The following APELA variants were observed in gnomAD, a reference collection of about 807,000 sequenced individuals.
APELA encodes protein Elabela.
At chr4:164,889,855 C>G (rs565215707) in intron 2 of APELA, among the ~76,000 whole-genome samples, 1 of 152,292 alleles carries the variant, frequency 6.6e-6, no homozygotes, top group Non-Finnish European at 1.5e-5. Context: ...AGTATAACAA[C>G]TATTTACATA....
At chr4:164,894,306 CA>C (rs1730932244) in intron 2 of APELA, among the ~76,000 whole-genome samples, 5 of 151,996 alleles carry the variant, frequency 3.3e-5, no homozygotes. Flanking sequence ...ACCTGGGCGA[CA>C]AACATGTATA....
chr4:164,886,006 A>G (rs1276351614), intron 2 of APELA, among the ~76,000 whole-genome samples: 1 of 152,192 alleles, frequency 6.6e-6, no homozygotes, highest in Non-Finnish European at 1.5e-5. Context: ...TAATTCAGTT[A>G]GTTTAAAATA....
chr4:164,880,090 A>G (rs531348999), intron 2 of APELA, among the ~76,000 whole-genome samples: 1 of 152,234 alleles, frequency 6.6e-6, no homozygotes, highest in Non-Finnish European at 1.5e-5. Flanking sequence ...CATTTAAGAT[A>G]TAGCTTCCTT....
At chr4:164,884,474 A>G (rs1263759222) in intron 2 of APELA, among the ~76,000 whole-genome samples, 1 of 152,214 alleles carries the variant, frequency 6.6e-6, no homozygotes, top group Non-Finnish European at 1.5e-5. Flanking sequence ...GTCAAATGGA[A>G]CACAAAATAA....
intron 2 of APELA, among the ~76,000 whole-genome samples, chr4:164,886,680 G>T (rs1257521778): frequency 6.6e-6 from 1 of 151,872 alleles, no homozygotes. Flanking sequence ...CCTTAATGAT[G>T]AATATATTTA....
rs34609708 is a variant in APELA, at chr4:164,880,637, G to A, written c.*1+1628G>A. ...GCACTCCTTCATAAATAACAAAGAGGAGAGGACACATTTCACAATAGCAAG... is the reference window on the plus strand; with the variant it reads ...GCACTCCTTCATAAATAACAAAGAGAAGAGGACACATTTCACAATAGCAAG... On this transcript the variant is annotated intron_variant, in intron 2 of 2. Transcript: ENST00000507152. Among the ~76,000 whole-genome samples the A allele has an allele frequency of 9.5e-3, 1,452 of 152,242 alleles. 13 individuals are homozygous for A. The highest frequency in any genetic ancestry group is 0.014 in the Non-Finnish European group (921 of 68,016).
chr4:164,892,044 C>T (rs907756460), intron 2 of APELA, among the ~76,000 whole-genome samples: 12 of 152,056 alleles, frequency 7.9e-5, no homozygotes, highest in African/African-American at 2.4e-4. Context: ...GATGTGGTGG[C>T]TCATGCCTGT....
intron 2 of APELA, among the ~76,000 whole-genome samples, chr4:164,889,984 T>C (rs1730849769): frequency 6.6e-6 from 1 of 152,198 alleles, no homozygotes; most frequent in Non-Finnish European, 1.5e-5. Context: ...TCAGCATCCA[T>C]GGATTTTGGT....
intron 2 of APELA, among the ~76,000 whole-genome samples, chr4:164,881,322 A>G (rs1239925007): frequency 2.6e-5 from 4 of 152,188 alleles, no homozygotes; most frequent in Non-Finnish European, 5.9e-5. Context: ...AGACTTTGTA[A>G]AAGGATAGGT....
intron 2 of APELA, among the ~76,000 whole-genome samples, chr4:164,893,997 G>A (rs1394719395): frequency 6.6e-6 from 1 of 151,858 alleles, no homozygotes; most frequent in Non-Finnish European, 1.5e-5. Flanking sequence ...GAAAAAATAA[G>A]AATATTGTGC....
At chr4:164,898,407 C>A (rs2111075922), downstream of APELA, among the ~76,000 whole-genome samples, 1 of 149,566 alleles carries the variant, frequency 6.7e-6, no homozygotes. Flanking sequence ...GAGGCTGAGG[C>A]AGGAGAATTG....
chr4:164,885,287 C>T (rs867447197), intron 2 of APELA, among the ~76,000 whole-genome samples: 1 of 152,054 alleles, frequency 6.6e-6, no homozygotes, highest in Non-Finnish European at 1.5e-5. Flanking sequence ...TGTGCCACCA[C>T]ACTCAGCTAA....
intron 2 of APELA, among the ~76,000 whole-genome samples, chr4:164,879,637 G>A (rs13127645): frequency 6.6e-6 from 1 of 151,942 alleles, no homozygotes; most frequent in African/African-American, 2.4e-5. Flanking sequence ...TAGAGATGAG[G>A]GTTCCCCATT....
chr4:164,878,144 AAG>A lies in APELA; in HGVS notation c.76+739_76+740del, dbSNP rs1397741931. ...AAGAACCAGTAAGTTTGAAAAAAAA[AAG>A]AAAGAAAAGAGAGAAAAGAAGAGAG... On this transcript the variant is annotated intron_variant, in intron 1 of 2. Coordinates refer to ENST00000507152, the MANE Select transcript of APELA (RefSeq NM_001297550.2). Among the ~76,000 whole-genome samples, 103 of 150,716 alleles carry A rather than the reference AAG, an allele frequency of 6.8e-4. 1 individual carries two copies. Among genetic ancestry groups the A allele is most frequent in the African/African-American group, 2.3e-3 (95 of 40,842 alleles).
chr4:164,890,457 G>C (rs1303439281), intron 2 of APELA, among the ~76,000 whole-genome samples: 1 of 152,098 alleles, frequency 6.6e-6, no homozygotes, highest in Non-Finnish European at 1.5e-5. Context: ...TGTCTCTATA[G>C]ATTTCCCTAT....
At chr4:164,889,194 G>A (rs545568489) in intron 2 of APELA, among the ~76,000 whole-genome samples, 3 of 152,104 alleles carry the variant, frequency 2.0e-5, no homozygotes, top group Admixed American at 6.6e-5. Flanking sequence ...TGGGGATGAG[G>A]GTGGGGGATA....
intron 2 of APELA, among the ~76,000 whole-genome samples, chr4:164,886,406 C>G (rs1032635063): frequency 4.6e-5 from 7 of 152,160 alleles, no homozygotes; most frequent in African/African-American, 1.7e-4. Context: ...AAACCCAGCA[C>G]TTTGGGAGCC....
intron 2 of APELA, among the ~76,000 whole-genome samples, chr4:164,883,582 G>C (rs1035075279): frequency 1.3e-5 from 2 of 150,688 alleles, no homozygotes; most frequent in African/African-American, 2.5e-5. Context: ...AAAGTCTCAG[G>C]CTCAAGTTAT....
intron 2 of APELA, among the ~76,000 whole-genome samples, chr4:164,890,607 G>C (rs1326879259): frequency 1.3e-5 from 2 of 152,160 alleles, no homozygotes; most frequent in African/African-American, 4.8e-5. Flanking sequence ...ACAATTCCAT[G>C]ATATGGAAAA....
Sources: gnomAD v4.1 joint callset for allele counts (sites outside exome capture counted in the v4.1 genomes callset) on GRCh38, gnomAD v4.1.1 for gene constraint, MANE v1.5 for transcripts, NCBI Gene and HGNC (gene_info 2026-07-23, HGNC 2026-07-21) for gene names.